Variants in NTN1 observed in about 807,000 individuals in gnomAD.
The protein encoded by NTN1 is netrin-1.
Under a neutral mutation model 54.2 loss-of-function variants are expected in NTN1, and 11 were observed. The ratio of observed to expected loss-of-function variants is 0.20; its 90% CI spans 0.13 to 0.34. The LOEUF (loss-of-function observed/expected upper bound fraction) is 0.34, where lower values mean the gene tolerates loss of function less well. NTN1 is among the 10% of genes least tolerant of loss of function. The probability of loss-of-function intolerance (pLI) is 1.00; values close to 1 mark genes in which losing one functional copy is unlikely to be tolerated. For missense variants in NTN1, 740 were observed against 893.1 expected, an observed-to-expected ratio of 0.83 and a Z score of 2.18; for synonymous variants, 371 against 382.0, an observed-to-expected ratio of 0.97 and a Z score of 0.33.
At chr17:9,197,198 G>A (rs1009570373) in intron 5 of NTN1, among the ~76,000 whole-genome samples, 34 of 152,100 alleles carry the variant, frequency 2.2e-4, no homozygotes, top group African/African-American at 7.2e-4. Context: ...GGGAGACTGA[G>A]GCCCAGAGGA....
chr17:9,046,589 C>A (rs946172561), intron 2 of NTN1, among the ~76,000 whole-genome samples: 12 of 151,918 alleles, frequency 7.9e-5, no homozygotes, highest in African/African-American at 2.2e-4. Context: ...GAGTTCAAGA[C>A]CAGCCTGGGC....
At position 9,239,205 on chromosome 17, in the gene NTN1, G is replaced by C. The variant is rs1195119643; in HGVS notation, c.1487-435G>C. On this transcript the variant is annotated intron_variant, in intron 6 of 6. Transcript: ENST00000173229. The surrounding 1 kb of genome is among the most constrained non-coding windows in gnomAD (Gnocchi z 5.2). ...TGGTTGGAGGGCCAGGCTGTGTGTG[G>C]AGTGTCATGAGGGCTGGTGTAAAGT... is the stretch of plus-strand genomic sequence containing the variant. Among the ~76,000 whole-genome samples, 1 of 152,176 alleles carries C rather than the reference G, an allele frequency of 6.6e-6. No homozygotes were observed. The highest frequency in any genetic ancestry group is 1.5e-5 in the Non-Finnish European group (1 of 68,042).
intron 5 of NTN1, among the ~76,000 whole-genome samples, chr17:9,206,984 G>T (rs1233064438): frequency 1.3e-5 from 2 of 152,272 alleles, no homozygotes; most frequent in Middle Eastern, 3.4e-3. Context: ...AGAGACTCGA[G>T]CCTGGTGACT....
chr17:9,186,439 T>G (rs1303907135), intron 5 of NTN1, among the ~76,000 whole-genome samples: 1 of 152,240 alleles, frequency 6.6e-6, no homozygotes, highest in Non-Finnish European at 1.5e-5. Flanking sequence ...TACAGGAGCA[T>G]GGAGCCAGCC....
At chr17:9,068,291 C>T (rs1212990700) in intron 2 of NTN1, among the ~76,000 whole-genome samples, 2 of 152,098 alleles carry the variant, frequency 1.3e-5, no homozygotes, top group Non-Finnish European at 2.9e-5. Context: ...AAGTGATCCT[C>T]CCTCCTCAGC....
intron 2 of NTN1, among the ~76,000 whole-genome samples, chr17:9,156,318 A>T (rs2092342180): frequency 6.6e-6 from 1 of 151,838 alleles, no homozygotes; most frequent in South Asian, 2.1e-4. Flanking sequence ...CTGCTCTGGA[A>T]GGAGAAGACA....
intron 5 of NTN1, among the ~76,000 whole-genome samples, chr17:9,188,869 G>A (rs145633062): frequency 4.6e-5 from 7 of 152,262 alleles, no homozygotes; most frequent in East Asian, 1.9e-4. Flanking sequence ...ACTGGAGACC[G>A]TGCAGACAGC....
chr17:9,218,648 A>AC (rs144516856), intron 5 of NTN1, among the ~76,000 whole-genome samples: 3,688 of 151,702 alleles, frequency 0.024, 159 homozygotes, highest in African/African-American at 0.086. Context: ...CCCGCCCCCC[A>AC]CCCCCGGGGT....
rs528264515 is a variant in NTN1, at chr17:9,240,077, G to A, written c.*109G>A. On this transcript the variant is annotated 3_prime_UTR_variant, in exon 7 of 7. Coordinates refer to ENST00000173229, the MANE Select transcript of NTN1 (RefSeq NM_004822.3). ...TTGGCCCGCGAGGGCTTTCCCAGGT[G>A]GGGGGAGGGAGGGGGCGGGGCCGCA... 65 of 348,226 alleles carry A rather than the reference G, an allele frequency of 1.9e-4. No homozygotes were observed. Among genetic ancestry groups the A allele is most frequent in the East Asian group, 4.5e-4 (4 of 8,900 alleles). The allele number at this position is 348,226 out of a possible 1,614,324, so 21.6% of individuals were successfully genotyped here. A position where few individuals can be genotyped will look rare whatever the true frequency, so the allele number is the denominator to read the frequency against.
At chr17:9,167,771 G>GT (rs1555572754) in intron 3 of NTN1, among the ~76,000 whole-genome samples, 1 of 151,940 alleles carries the variant, frequency 6.6e-6, no homozygotes, top group African/African-American at 2.4e-5. Flanking sequence ...CCACAGTCTT[G>GT]CCCCCTCTGT....
chr17:9,089,574 C>G (rs2092102376), intron 2 of NTN1, among the ~76,000 whole-genome samples: 1 of 152,184 alleles, frequency 6.6e-6, no homozygotes, highest in South Asian at 2.1e-4. Context: ...CTGTTCTCTA[C>G]CCCTGGTGGG....
intron 2 of NTN1, among the ~76,000 whole-genome samples, chr17:9,072,412 C>A (rs1363252561): frequency 1.3e-5 from 2 of 152,136 alleles, no homozygotes; most frequent in African/African-American, 2.4e-5. Flanking sequence ...TCTACCCCTA[C>A]CCCCCAACTT....
intron 2 of NTN1, among the ~76,000 whole-genome samples, chr17:9,052,847 T>C (rs1422197877): frequency 6.6e-6 from 1 of 152,208 alleles, no homozygotes; most frequent in East Asian, 1.9e-4. Context: ...TCCTACCTAA[T>C]CCATGACTGA....
intron 2 of NTN1, among the ~76,000 whole-genome samples, chr17:9,086,517 G>T (rs139288132): frequency 3.9e-5 from 6 of 152,262 alleles, no homozygotes; most frequent in Non-Finnish European, 8.8e-5. Flanking sequence ...ACAATACAGG[G>T]CTGTGAGAGG....
chr17:9,135,488 G>A lies in NTN1; in HGVS notation c.1019-27325G>A, dbSNP rs2092277981. ...CAGCAATAGTTCATTCGCCACTGTC[G>A]GGGTCAACCACTTAGTCCTCTTGAC... On this transcript the variant is annotated intron_variant, in intron 2 of 6. Transcript: ENST00000173229. The surrounding 1 kb of genome is among the most constrained non-coding windows in gnomAD (Gnocchi z 4.4). 6.6e-6 allele frequency among the ~76,000 whole-genome samples: 1 copy of A among 152,126 alleles called. No homozygotes were observed.
chr17:9,204,928 A>AT (rs148063994), intron 5 of NTN1, among the ~76,000 whole-genome samples: 29,765 of 145,338 alleles, frequency 0.2, 3,202 homozygotes, highest in African/African-American at 0.28. Context: ...GTCAACCCTC[A>AT]TTTTTTTTTT....
chr17:9,221,162 C>T lies in NTN1; in HGVS notation c.1412-6C>T. On this transcript the variant is annotated splice_polypyrimidine_tract_variant and splice_region_variant and intron_variant, in intron 5 of 6. Coordinates refer to ENST00000173229, the MANE Select transcript of NTN1 (RefSeq NM_004822.3). This position sits in a 1 kb window ranked among gnomAD's most constrained non-coding sequence, Gnocchi z 4.5. ...TTGTCTGTGCTCCCCCCCCACCCCC[C>T]TGCAGACTGCGATTCCTACTGCAAG... The T allele has an allele frequency of 6.3e-7, 1 of 1,595,074 alleles. No homozygotes were observed. The highest frequency in any genetic ancestry group is 1.1e-5 in the South Asian group (1 of 90,614).
At chr17:9,088,838 A>G (rs796901456) in intron 2 of NTN1, among the ~76,000 whole-genome samples, 27 of 152,310 alleles carry the variant, frequency 1.8e-4, no homozygotes, top group African/African-American at 6.5e-4. Flanking sequence ...ACGATTCCAA[A>G]TACGGAGAAA....
intron 2 of NTN1, among the ~76,000 whole-genome samples, chr17:9,042,852 C>G (rs558828906): frequency 6.6e-6 from 1 of 151,328 alleles, no homozygotes. Context: ...TGTATCAAGG[C>G]TGTTTTAACC....
Sources: gnomAD v4.1 joint callset for allele counts (sites outside exome capture counted in the v4.1 genomes callset) on GRCh38, gnomAD v4.1.1 for gene constraint, Gnocchi (gnomAD v3.1) non-coding constraint, MANE v1.5 for transcripts, NCBI Gene and HGNC (gene_info 2026-07-23, HGNC 2026-07-21) for gene names.